ANKRD11: variants seen among roughly 807,000 people sequenced by gnomAD.
The protein encoded by ANKRD11 is ankyrin repeat domain 11.
Under a neutral mutation model 195.7 loss-of-function variants are expected in ANKRD11, and 17 were observed. The observed-to-expected ratio is 0.09, with a 90% CI of 0.06 to 0.13. The LOEUF (loss-of-function observed/expected upper bound fraction) is 0.13, where lower values mean the gene tolerates loss of function less well. Among genes scored for constraint, ANKRD11 ranks in the 10% least tolerant of loss-of-function variants. ANKRD11 has a pLI of 1.00. For missense variants in ANKRD11, 3,735 were observed against 3,566.1 expected, an observed-to-expected ratio of 1.05 and a Z score of -1.21; for synonymous variants, 1,953 against 1,528.1, an observed-to-expected ratio of 1.28 and a Z score of -6.49.
chr16:89,378,704 C>T (rs1032887448), intron 2 of ANKRD11, among the ~76,000 whole-genome samples: 2 of 152,168 alleles, frequency 1.3e-5, no homozygotes, highest in South Asian at 2.1e-4. Flanking sequence ...CTCAGCCTCC[C>T]GAGTAGCTGG....
rs773948438 is a variant in ANKRD11, at chr16:89,280,501, G to A, written c.6041C>T (p.Pro2014Leu). ...APGPFSASEA[P>L]YPAPPASPAP... Reference sequence around the variant, plus strand: ...AGGAGAGGCGGGAGGGGCGGGGTACGGCGCCTCCGAGGCGCTGAAGGGCCC... The same window carrying A: ...AGGAGAGGCGGGAGGGGCGGGGTACAGCGCCTCCGAGGCGCTGAAGGGCCC... The change falls in exon 9 of 13, where the codon CCG (proline) becomes CTG (leucine). Residue 2014 changes from proline to leucine, a missense_variant. Coordinates refer to ENST00000301030, the MANE Select transcript of ANKRD11 (RefSeq NM_013275.6). The A allele has an allele frequency of 3.0e-5, 48 of 1,596,590 alleles. No homozygotes were observed. Among genetic ancestry groups the A allele is most frequent in the African/African-American group, 1.6e-4 (12 of 74,556 alleles).
chr16:89,306,171 C>CAGACACGCGCCACCTACCTCCCACTCCGT (rs2036218047), intron 3 of ANKRD11, among the ~76,000 whole-genome samples: 2 of 109,410 alleles, frequency 1.8e-5, no homozygotes, highest in African/African-American at 7.6e-5. Context: ...TCCCACTCCG[C>CAGACACGCGCCACCTACCTCCCACTCCGT]AGACACGCGC....
rs750583082 is a variant in ANKRD11, at chr16:89,280,116, G to A, written c.6426C>T (p.Pro2142=). ...CATCTGCGGCATCTTTAGTCTGCAG[G>A]GGAAGCTCCGGCAGGGAGAAGGGCC... ...DLGPFSLPEL[P]LQTKDAADGE... Residue 2142 remains proline (P), a synonymous_variant, in exon 9 of 13, where the codon CCC becomes CCT. Coordinates refer to ENST00000301030, the MANE Select transcript of ANKRD11 (RefSeq NM_013275.6). 8 of 1,612,720 alleles carry A rather than the reference G, an allele frequency of 5.0e-6. No homozygotes were observed. Among genetic ancestry groups the A allele is most frequent in the Admixed American group, 3.3e-5 (2 of 60,006 alleles).
At chr16:89,330,752 C>G (rs921573011) in intron 2 of ANKRD11, among the ~76,000 whole-genome samples, 4 of 148,704 alleles carry the variant, frequency 2.7e-5, no homozygotes, top group African/African-American at 7.5e-5. Flanking sequence ...TGTTCCTCCT[C>G]GGCGAGTTCC....
intron 6 of ANKRD11, among the ~76,000 whole-genome samples, chr16:89,289,892 T>C (rs1426558916): frequency 6.6e-6 from 1 of 152,074 alleles, no homozygotes; most frequent in Admixed American, 6.5e-5. Context: ...ATAAAAAAAT[T>C]AGCCAGGCAT....
chr16:89,323,600 AGCCCG>A (rs1228495528), intron 2 of ANKRD11, among the ~76,000 whole-genome samples: 3 of 84,778 alleles, frequency 3.5e-5, no homozygotes, highest in African/African-American at 1.1e-4. Context: ...AGGGGGGCTG[AGCCCG>A]GGGCAGGGGA....
intron 4 of ANKRD11, among the ~76,000 whole-genome samples, chr16:89,295,563 G>T (rs1030190659): frequency 2.6e-5 from 4 of 152,228 alleles, no homozygotes; most frequent in Admixed American, 2.0e-4. Context: ...TGGTGCTGCT[G>T]GAGCACGGCC....
intron 1 of ANKRD11, among the ~76,000 whole-genome samples, chr16:89,428,140 A>T (rs572514661): frequency 1.3e-5 from 2 of 152,132 alleles, no homozygotes; most frequent in South Asian, 4.2e-4. Context: ...CCCAGGAGGC[A>T]GAGGTTGCAG....
At chr16:89,381,581 G>A (rs910103538) in intron 2 of ANKRD11, among the ~76,000 whole-genome samples, 2 of 152,150 alleles carry the variant, frequency 1.3e-5, no homozygotes, top group Non-Finnish European at 2.9e-5. Flanking sequence ...TAACTTACAT[G>A]CGATGATACG....
intron 1 of ANKRD11, among the ~76,000 whole-genome samples, chr16:89,424,185 C>T (rs2042625667): frequency 6.6e-6 from 1 of 152,152 alleles, no homozygotes; most frequent in Non-Finnish European, 1.5e-5. Context: ...CGCAGTGGCT[C>T]ACACCTATAA....
At chr16:89,425,436 C>G (rs918515780) in intron 1 of ANKRD11, among the ~76,000 whole-genome samples, 12 of 152,156 alleles carry the variant, frequency 7.9e-5, no homozygotes, top group African/African-American at 2.9e-4. Flanking sequence ...ACACTAAAGA[C>G]CTACCATCCA....
At chr16:89,484,582 G>A (rs754105845) in intron 1 of ANKRD11, among the ~76,000 whole-genome samples, 5 of 152,150 alleles carry the variant, frequency 3.3e-5, no homozygotes, top group East Asian at 1.9e-4. Context: ...ATAGGGAGTC[G>A]AGGAAGGGCA....
At chr16:89,338,077 C>T (rs572964192) in intron 2 of ANKRD11, among the ~76,000 whole-genome samples, 1 of 152,350 alleles carries the variant, frequency 6.6e-6, no homozygotes, top group African/African-American at 2.4e-5. Context: ...CTCTGCCACT[C>T]AGGAGCCCCA....
chr16:89,292,272 C>T (rs149507923), intron 4 of ANKRD11, among the ~76,000 whole-genome samples: 1 of 152,192 alleles, frequency 6.6e-6, no homozygotes, highest in Non-Finnish European at 1.5e-5. Flanking sequence ...ACTTCTCCCT[C>T]GGCTGGTGTT....
In ANKRD11 at chr16:89,281,279, C is replaced by A. The variant is rs752613308; in HGVS notation, c.5263G>T (p.Ala1755Ser). The change falls in exon 9 of 13, where the codon GCC (alanine) becomes TCC (serine). Residue 1755 changes from alanine (A) to serine (S), a missense_variant. Ala to Ser is a moderately conservative substitution (Grantham distance 99). Coordinates refer to ENST00000301030, the MANE Select transcript of ANKRD11 (RefSeq NM_013275.6). This position sits in a 1 kb window ranked among gnomAD's most constrained non-coding sequence, Gnocchi z 5.5. ...STPVPTAPTS[A>S]CSPSFFDRFS... is the part of the protein sequence containing the mutation. Reference sequence around the variant, plus strand: ...CTGTCGAAAAAGGAGGGGGAGCAGGCGCTGGTGGGAGCGGTGGGCACGGGC... The same window carrying A: ...CTGTCGAAAAAGGAGGGGGAGCAGGAGCTGGTGGGAGCGGTGGGCACGGGC... The A allele has an allele frequency of 2.5e-6, 4 of 1,614,200 alleles. No homozygotes were observed. The highest frequency in any genetic ancestry group is 2.5e-6 in the Non-Finnish European group (3 of 1,180,028).
intron 9 of ANKRD11, chr16:89,277,605 G>A (rs2033765418): frequency 6.6e-6 from 1 of 152,266 alleles, no homozygotes; most frequent in Non-Finnish European, 1.5e-5. Context: ...TGAATGTCAT[G>A]ACCCAACTGC....
chr16:89,307,256 G>A (rs1295770751), intron 3 of ANKRD11, among the ~76,000 whole-genome samples: 1 of 152,162 alleles, frequency 6.6e-6, no homozygotes, highest in African/African-American at 2.4e-5. Flanking sequence ...ACTGTTCCTG[G>A]GAGAAGCCCA....
At chr16:89,313,129 G>A (rs2036707205) in intron 3 of ANKRD11, among the ~76,000 whole-genome samples, 1 of 152,226 alleles carries the variant, frequency 6.6e-6, no homozygotes, top group Non-Finnish European at 1.5e-5. Flanking sequence ...AGCTCCAGCA[G>A]CTCAGGTGAC....
At position 89,280,914 on chromosome 16, in the gene ANKRD11, G is replaced by C. The variant is rs373744852; in HGVS notation, c.5628C>G (p.Thr1876=). The change falls in exon 9 of 13, where the codon ACC becomes ACG. Residue 1876 remains threonine (T), a synonymous_variant. Transcript: ENST00000301030. ...TTGAGAAGACGCCCTCTGGAGACGG[G>C]GTGACAGTGACAACGGCAGCCGGTG... is the stretch of plus-strand genomic sequence containing the variant. ...HCPPAAVVTV[T]PSPEGVFSSL... 3 of 1,599,076 alleles carry C rather than the reference G, an allele frequency of 1.9e-6. No homozygotes were observed. The highest frequency in any genetic ancestry group is 1.7e-4 in the Middle Eastern group (1 of 5,980).
Sources: gnomAD v4.1 joint callset for allele counts (sites outside exome capture counted in the v4.1 genomes callset) on GRCh38, gnomAD v4.1.1 for gene constraint, Gnocchi (gnomAD v3.1) non-coding constraint, MANE v1.5 for transcripts, NCBI Gene and HGNC (gene_info 2026-07-23, HGNC 2026-07-21) for gene names.